MAP3K13: variants seen among roughly 807,000 people sequenced by gnomAD.
MAP3K13 encodes the protein leucine zipper-bearing kinase.
A neutral mutation model predicts 104.0 loss-of-function variants in MAP3K13; 52 were observed. The ratio of observed to expected loss-of-function variants is 0.50; its 90% CI spans 0.40 to 0.63. The LOEUF is 0.63. Among genes scored for constraint, MAP3K13 ranks in the 20% least tolerant of loss-of-function variants. The probability of loss-of-function intolerance (pLI) is 0.00; values close to 1 mark genes in which losing one functional copy is unlikely to be tolerated. For missense variants in MAP3K13, 914 were observed against 1,218.5 expected, an observed-to-expected ratio of 0.75 and a Z score of 3.72; for synonymous variants, 394 against 442.2, an observed-to-expected ratio of 0.89 and a Z score of 1.37.
intron 1 of MAP3K13, among the ~76,000 whole-genome samples, chr3:185,420,746 A>C (rs1714071621): frequency 1.3e-5 from 2 of 152,240 alleles, no homozygotes; most frequent in Admixed American, 6.5e-5. Flanking sequence ...ATAAAATTTA[A>C]AATCTGATCA....
rs936264503 is a variant in MAP3K13 at position 185,418,156 on chromosome 3, C to G, written c.-85-10341C>G. The G allele has an allele frequency of 3.7e-5, 59 of 1,609,234 alleles. No individual in the cohort carries two copies. The Admixed American group carries it at 9.3e-4, about 25-fold the overall frequency. Reference sequence around the variant, plus strand: ...ACCATTATCCTCATTATAGATGATGCACAGGCCCCTGCGCTGGATACGGCG... The same window carrying G: ...ACCATTATCCTCATTATAGATGATGGACAGGCCCCTGCGCTGGATACGGCG... On this transcript the variant is annotated intron_variant, in intron 1 of 13. Coordinates refer to ENST00000265026, the MANE Select transcript of MAP3K13 (RefSeq NM_004721.5). This position sits in a 1 kb window ranked among gnomAD's most constrained non-coding sequence, Gnocchi z 4.5.
At chr3:185,441,399 G>A (rs1482822881) in intron 3 of MAP3K13, among the ~76,000 whole-genome samples, 5 of 152,134 alleles carry the variant, frequency 3.3e-5, no homozygotes, top group Non-Finnish European at 7.3e-5. Flanking sequence ...ACCTCTAGGC[G>A]TTGAGGTAGA....
chr3:185,427,496 C>A (rs551111762), intron 1 of MAP3K13, among the ~76,000 whole-genome samples: 10 of 152,254 alleles, frequency 6.6e-5, no homozygotes, highest in African/African-American at 2.2e-4. Context: ...AGATCAGAAG[C>A]AAAGAACAAG....
chr3:185,483,638 G>T lies in MAP3K13; in HGVS notation c.*1182G>T, dbSNP rs1312255547. The T allele has an allele frequency of 1.1e-5, 2 of 174,318 alleles. No homozygotes were observed. Among genetic ancestry groups the T allele is most frequent in the East Asian group, 2.0e-4 (2 of 9,936 alleles). 10.8% of individuals were successfully genotyped at this position (174,318 alleles called of 1,614,324 possible). On this transcript the variant is annotated 3_prime_UTR_variant, in exon 14 of 14. Coordinates refer to ENST00000265026, the MANE Select transcript of MAP3K13 (RefSeq NM_004721.5). ...GACTTTGAAGGCAGCTAGGATGTAT[G>T]TGTGTCTATACAATGTCTGAGCCCA...
In MAP3K13 at chr3:185,418,515, G is replaced by A; in HGVS notation, c.-85-9982G>A. ...GACACATGTTTCCAAAAGCACCCTG[G>A]CCAGAGCGGTGAGTCCCACCACCTC... On this transcript the variant is annotated intron_variant, in intron 1 of 13. Transcript: ENST00000265026. This position sits in a 1 kb window ranked among gnomAD's most constrained non-coding sequence, Gnocchi z 4.5. 2 of 1,612,028 alleles carry A rather than the reference G, an allele frequency of 1.2e-6. No homozygotes were observed. Among genetic ancestry groups the A allele is most frequent in the South Asian group, 1.1e-5 (1 of 90,988 alleles).
intron 1 of MAP3K13, among the ~76,000 whole-genome samples, chr3:185,398,147 T>G (rs1712536699): frequency 6.6e-6 from 1 of 151,954 alleles, no homozygotes; most frequent in Admixed American, 6.6e-5. Context: ...AGAGGAACAT[T>G]CGAAAGAGTG....
chr3:185,454,602 G>GATATATATGATATGTATATGATATAT (rs1491450938), intron 7 of MAP3K13, among the ~76,000 whole-genome samples: 2 of 12,960 alleles, frequency 1.5e-4, no homozygotes, highest in South Asian at 6.4e-3. Flanking sequence ...AGATATATAT[G>GATATATATGATATGTATATGATATAT]AGATATATAT....
At chr3:185,417,763 G>A in intron 1 of MAP3K13, 1 of 1,612,292 alleles carries the variant, frequency 6.2e-7, no homozygotes, top group East Asian at 2.2e-5. Context: ...GCGAAGAATG[G>A]TGTTCCGGCG....
intron 2 of MAP3K13, among the ~76,000 whole-genome samples, chr3:185,337,499 G>C (rs1052270782): frequency 6.6e-6 from 1 of 152,198 alleles, no homozygotes; most frequent in Admixed American, 6.5e-5. Context: ...AATAAGTGGA[G>C]GCAGAATGCC....
Position 185,363,508 on chromosome 3 carries a change from G to C in MAP3K13, c.-86+140G>C, listed in dbSNP as rs575904035. On this transcript the variant is annotated intron_variant, in intron 1 of 13. Transcript: ENST00000265026. Reference sequence around the variant, plus strand: ...AGAGAGACAGAGAGACAGAGGCGGAGAGAAACCCGAAACCCCGTTACAGCT... The same window carrying C: ...AGAGAGACAGAGAGACAGAGGCGGACAGAAACCCGAAACCCCGTTACAGCT... 4.6e-5 allele frequency: 16 copies of C among 347,290 alleles called. No individual in the cohort carries two copies. The South Asian group carries it at 7.0e-4, about 15-fold the overall frequency. 21.5% of individuals were successfully genotyped at this position (347,290 alleles called of 1,614,324 possible).
At chr3:185,362,939 ACACACACACACACACACG>A (rs759938144), upstream of MAP3K13, 52 of 111,172 alleles carry the variant, frequency 4.7e-4, 2 homozygotes, top group Non-Finnish European at 6.1e-4. Flanking sequence ...AAACACACAC[ACACACACACACACACACG>A]CACACACACA....
At chr3:185,404,481 C>T (rs971337584) in intron 1 of MAP3K13, among the ~76,000 whole-genome samples, 2 of 152,222 alleles carry the variant, frequency 1.3e-5, no homozygotes, top group Middle Eastern at 3.4e-3. Flanking sequence ...GCTATGGAAA[C>T]GGAATGGATT....
intron 2 of MAP3K13, among the ~76,000 whole-genome samples, chr3:185,335,521 A>G (rs1722462455): frequency 6.6e-6 from 1 of 152,154 alleles, no homozygotes; most frequent in South Asian, 2.1e-4. Flanking sequence ...CTAAAGGTGC[A>G]AAGCATTTTT....
chr3:185,297,702 T>A (rs1560037803), intron 2 of MAP3K13, among the ~76,000 whole-genome samples: 1 of 147,104 alleles, frequency 6.8e-6, no homozygotes, highest in Non-Finnish European at 1.5e-5. Flanking sequence ...GCCACTGCAC[T>A]CCAGTCTGGG....
At chr3:185,401,335 C>T (rs1275733310) in intron 1 of MAP3K13, among the ~76,000 whole-genome samples, 1 of 152,070 alleles carries the variant, frequency 6.6e-6, no homozygotes, top group Non-Finnish European at 1.5e-5. Context: ...TTGATGAGTT[C>T]GTGTGGGAGC....
chr3:185,390,010 G>T (rs1372336626), intron 1 of MAP3K13, among the ~76,000 whole-genome samples: 1 of 152,130 alleles, frequency 6.6e-6, no homozygotes, highest in Non-Finnish European at 1.5e-5. Context: ...CTTTCAATCT[G>T]TTGTGATATC....
intron 1 of MAP3K13, among the ~76,000 whole-genome samples, chr3:185,383,621 T>C (rs1478305511): frequency 6.6e-6 from 1 of 151,114 alleles, no homozygotes; most frequent in Non-Finnish European, 1.5e-5. Flanking sequence ...TTTCTTGCCA[T>C]GTAATTTCTG....
Position 185,483,380 on chromosome 3 carries a change from T to C in MAP3K13, c.*924T>C. 1 of 231,690 alleles carries C rather than the reference T, an allele frequency of 4.3e-6. No homozygotes were observed. The highest frequency in any genetic ancestry group is 8.5e-6 in the Non-Finnish European group (1 of 117,112). 14.4% of individuals were successfully genotyped at this position (231,690 alleles called of 1,614,324 possible). ...TGCCATTTCCTTGTAGCTCATTTCC[T>C]TTCTGCCTGCTGACCACTTCCTGTA... On this transcript the variant is annotated 3_prime_UTR_variant, in exon 14 of 14. Coordinates refer to ENST00000265026, the MANE Select transcript of MAP3K13 (RefSeq NM_004721.5).
intron 1 of MAP3K13, among the ~76,000 whole-genome samples, chr3:185,401,895 A>G (rs1712835910): frequency 6.6e-6 from 1 of 152,094 alleles, no homozygotes; most frequent in Admixed American, 6.6e-5. Flanking sequence ...AAGCTTATGG[A>G]GCGACCTCTT....
Sources: gnomAD v4.1 joint callset for allele counts (sites outside exome capture counted in the v4.1 genomes callset) on GRCh38, gnomAD v4.1.1 for gene constraint, Gnocchi (gnomAD v3.1) non-coding constraint, MANE v1.5 for transcripts, NCBI Gene and HGNC (gene_info 2026-07-23, HGNC 2026-07-21) for gene names.